The following CNOT6L variants were observed in gnomAD, a reference collection of about 807,000 sequenced individuals.
The protein encoded by CNOT6L is CCR4-NOT transcription complex subunit 6 like.
CNOT6L carries 7 observed loss-of-function variants against 64.0 expected under a neutral mutation model. That is an observed-to-expected ratio of 0.11 (90% CI 0.06 to 0.21). The LOEUF (loss-of-function observed/expected upper bound fraction) is 0.21, where lower values mean the gene tolerates loss of function less well. CNOT6L is among the 10% of genes least tolerant of loss of function. The pLI is 1.00. For synonymous variants in CNOT6L, 193 were observed against 243.4 expected, an observed-to-expected ratio of 0.79 and a Z score of 1.93; for missense variants, 245 against 669.0, an observed-to-expected ratio of 0.37 and a Z score of 6.99.
In CNOT6L at chr4:77,728,844, T is replaced by C. The variant is rs1577922292; in HGVS notation, c.1252+10A>G. ...AATTGAAAGCAGTGAGGAAATGATA[T>C]TATAAATACCTGAATCTGGCAATGA... On this transcript the variant is annotated intron_variant, in intron 10 of 11. Coordinates refer to ENST00000504123, the MANE Select transcript of CNOT6L (RefSeq NM_144571.3). The C allele has an allele frequency of 1.2e-6, 2 of 1,607,170 alleles. No homozygotes were observed. Among genetic ancestry groups the C allele is most frequent in the African/African-American group, 2.7e-5 (2 of 74,870 alleles).
chr4:77,793,048 C>T (rs1730350886), intron 1 of CNOT6L, among the ~76,000 whole-genome samples: 1 of 151,422 alleles, frequency 6.6e-6, no homozygotes, highest in African/African-American at 2.4e-5. Flanking sequence ...GTCCCAAATG[C>T]CAATGGTGCT....
At chr4:77,767,353 T>C (rs898742784) in intron 4 of CNOT6L, among the ~76,000 whole-genome samples, 1 of 152,142 alleles carries the variant, frequency 6.6e-6, no homozygotes, top group African/African-American at 2.4e-5. Flanking sequence ...GTTTCTTATG[T>C]ATGAGGAAGA....
At chr4:77,779,618 C>A (rs1378771029) in intron 1 of CNOT6L, among the ~76,000 whole-genome samples, 1 of 151,880 alleles carries the variant, frequency 6.6e-6, no homozygotes, top group East Asian at 1.9e-4. Context: ...ATCAATACTG[C>A]CATATTAGGG....
chr4:77,787,293 TAG>T (rs1729568774), intron 1 of CNOT6L, among the ~76,000 whole-genome samples: 1 of 152,118 alleles, frequency 6.6e-6, no homozygotes, highest in East Asian at 1.9e-4. Context: ...ATAATAATAA[TAG>T]ATGACACTAC....
At chr4:77,737,745 G>A (rs1397406092) in intron 8 of CNOT6L, among the ~76,000 whole-genome samples, 3 of 151,902 alleles carry the variant, frequency 2.0e-5, no homozygotes, top group Non-Finnish European at 2.9e-5. Context: ...CACTGAAAGT[G>A]CATCCACATT....
At chr4:77,784,956 C>T (rs1024433636) in intron 1 of CNOT6L, among the ~76,000 whole-genome samples, 2 of 152,020 alleles carry the variant, frequency 1.3e-5, no homozygotes, top group African/African-American at 2.4e-5. Context: ...AAAATTTATA[C>T]GGAAAGACAA....
At chr4:77,804,839 A>G (rs1732038970) in intron 1 of CNOT6L, among the ~76,000 whole-genome samples, 1 of 152,224 alleles carries the variant, frequency 6.6e-6, no homozygotes, top group Admixed American at 6.5e-5. Flanking sequence ...TTCAAATGAA[A>G]AAAAAGCAAA....
chr4:77,788,558 T>A (rs1729725556), intron 1 of CNOT6L, among the ~76,000 whole-genome samples: 1 of 151,934 alleles, frequency 6.6e-6, no homozygotes, highest in South Asian at 2.1e-4. Context: ...CGAAACCCCA[T>A]CTCCACTAAA....
At chr4:77,804,149 C>T (rs895028249) in intron 1 of CNOT6L, among the ~76,000 whole-genome samples, 6 of 151,872 alleles carry the variant, frequency 4.0e-5, no homozygotes, top group East Asian at 1.9e-4. Flanking sequence ...AAATATTGGC[C>T]GGGCACAGTG....
intron 4 of CNOT6L, among the ~76,000 whole-genome samples, chr4:77,772,707 G>A (rs1172102373): frequency 6.6e-6 from 1 of 152,046 alleles, no homozygotes; most frequent in Admixed American, 6.6e-5. Context: ...CGGATCACGA[G>A]GTCAGGAGAT....
At chr4:77,723,195 C>G (rs965432329) in intron 11 of CNOT6L, among the ~76,000 whole-genome samples, 2 of 152,130 alleles carry the variant, frequency 1.3e-5, no homozygotes, top group African/African-American at 2.4e-5. Flanking sequence ...GTTTATTAAA[C>G]TTACCTGGTC....
chr4:77,804,026 A>G (rs1731927460), intron 1 of CNOT6L, among the ~76,000 whole-genome samples: 1 of 152,220 alleles, frequency 6.6e-6, no homozygotes, highest in Non-Finnish European at 1.5e-5. Context: ...TTCCACTCTT[A>G]GGTATACACC....
chr4:77,804,424 A>C (rs2110155013), intron 1 of CNOT6L, among the ~76,000 whole-genome samples: 1 of 150,884 alleles, frequency 6.6e-6, no homozygotes, highest in South Asian at 2.1e-4. Context: ...GCAAGACCCC[A>C]TCTCAAAAAA....
At chr4:77,819,147 C>A in intron 1 of CNOT6L, 157 bp downstream of exon 1, 1 of 1,446,054 alleles carries the variant, frequency 6.9e-7, no homozygotes. Context: ...CCGACACACA[C>A]CCACTCGCCG....
intron 3 of CNOT6L, among the ~76,000 whole-genome samples, chr4:77,773,789 T>G (rs1321782715): frequency 6.6e-6 from 1 of 151,892 alleles, no homozygotes; most frequent in Non-Finnish European, 1.5e-5. Flanking sequence ...ACATGAAACA[T>G]AAATATTAAA....
chr4:77,797,999 A>G (rs1358721481), intron 1 of CNOT6L, among the ~76,000 whole-genome samples: 1 of 152,230 alleles, frequency 6.6e-6, no homozygotes, highest in Admixed American at 6.5e-5. Context: ...GATAAATTAG[A>G]CTTTCAAGAA....
At chr4:77,786,241 A>G (rs1729426717) in intron 1 of CNOT6L, among the ~76,000 whole-genome samples, 1 of 151,490 alleles carries the variant, frequency 6.6e-6, no homozygotes, top group African/African-American at 2.4e-5. Context: ...GTATTGCACC[A>G]CTGCACTCCA....
intron 8 of CNOT6L, among the ~76,000 whole-genome samples, chr4:77,735,014 T>C (rs1453308708): frequency 6.6e-6 from 1 of 152,194 alleles, no homozygotes; most frequent in African/African-American, 2.4e-5. Context: ...GGAGATATAC[T>C]GCTCAGATTC....
In CNOT6L at chr4:77,763,674, G is replaced by A. The variant is rs116154013; in HGVS notation, c.401-6723C>T. On this transcript the variant is annotated intron_variant, in intron 4 of 11. Transcript: ENST00000504123. ...ACTAATGGACAAATATATAAATCCT[G>A]TGCCCAACAATTAGAGAAAAGAAAT... 5.3e-3 allele frequency among the ~76,000 whole-genome samples: 804 copies of A among 152,234 alleles called. 7 individuals carry two copies. Among genetic ancestry groups the A allele is most frequent in the African/African-American group, 0.018 (757 of 41,564 alleles).
Sources: gnomAD v4.1 joint callset for allele counts (sites outside exome capture counted in the v4.1 genomes callset) on GRCh38, gnomAD v4.1.1 for gene constraint, MANE v1.5 for transcripts, NCBI Gene and HGNC (gene_info 2026-07-23, HGNC 2026-07-21) for gene names.